TNRC18: variants seen among roughly 807,000 people sequenced by gnomAD.
The protein encoded by TNRC18 is trinucleotide repeat containing 18.
A neutral mutation model predicts 226.7 loss-of-function variants in TNRC18; 69 were observed. That is an observed-to-expected ratio of 0.30 (90% confidence interval 0.25 to 0.37). TNRC18 has a LOEUF of 0.37. Among genes scored for constraint, TNRC18 ranks in the 10% least tolerant of loss-of-function variants. The probability of loss-of-function intolerance (pLI) is 1.00; values close to 1 mark genes in which losing one functional copy is unlikely to be tolerated. For synonymous variants in TNRC18, 2,449 were observed against 1,927.6 expected (o/e 1.27, Z -7.09); for missense variants, 4,754 against 4,256.6 (o/e 1.12, Z -3.25).
Position 5,394,780 on chromosome 7 carries a change from T to C in TNRC18, c.188-185A>G, listed in dbSNP as rs1780554308. Among the ~76,000 whole-genome samples, 1 of 151,782 alleles carries C rather than the reference T, an allele frequency of 6.6e-6. No individual in the cohort carries two copies. The highest frequency in any genetic ancestry group is 1.5e-5 in the Non-Finnish European group (1 of 67,938). On this transcript the variant is annotated intron_variant, in intron 2 of 29. Coordinates refer to ENST00000430969, the MANE Select transcript of TNRC18 (RefSeq NM_001080495.3). The surrounding 1 kb of genome is among the most constrained non-coding windows in gnomAD (Gnocchi z 4.5). ...CCACCCCTGGGCTGCAAGATGGTCC[T>C]GGATCAACCCAACCAGACCCAGGGC...
rs372068079 is a variant in TNRC18, at chr7:5,370,874, G to A, written c.3720C>T (p.Thr1240=). 39 of 1,607,722 alleles carry A rather than the reference G, an allele frequency of 2.4e-5. No homozygotes were observed. Among genetic ancestry groups the A allele is most frequent in the Admixed American group, 1.2e-4 (7 of 59,978 alleles). The change falls in exon 11 of 30, where the codon ACC becomes ACT. Residue 1240 remains threonine (T), a synonymous_variant. Transcript: ENST00000430969. ...VDSPGRTEPC[T]AALDLGVQLT... is the part of the protein sequence containing the mutation. ...GCTGCACCCCCAGGTCCAGGGCGGCGGTGCAGGGTTCTGTCCGGCCCGGGG... is the reference window on the plus strand; with the variant it reads ...GCTGCACCCCCAGGTCCAGGGCGGCAGTGCAGGGTTCTGTCCGGCCCGGGG...
Position 5,312,918 on chromosome 7 carries a change from G to A in TNRC18, c.7973C>T (p.Ser2658Leu), listed in dbSNP as rs1226559057. The change falls in exon 27 of 30, where the codon TCA becomes TTA. Residue 2658 changes from serine to leucine, a missense_variant. Transcript: ENST00000430969. This position sits in a 1 kb window ranked among gnomAD's most constrained non-coding sequence, Gnocchi z 6.3. ...GGAAGAGGAGGAGGAGGAGGAGGAT[G>A]AGGACGAGGAAGAGGAGGAGGAGGA... ...SSSSSSSSSSSSSSSSSSSSS... is the reference protein window; with the variant it reads ...SSSSSSSSSSLSSSSSSSSSS... The A allele has an allele frequency of 2.0e-6, 3 of 1,498,620 alleles. No individual in the cohort carries two copies. Among genetic ancestry groups the A allele is most frequent in the Non-Finnish European group, 2.7e-6 (3 of 1,114,976 alleles). 92.8% of individuals were successfully genotyped at this position (1,498,620 alleles called of 1,614,324 possible). A position where few individuals can be genotyped will look rare whatever the true frequency, so the allele number is the denominator to read the frequency against.
At chr7:5,407,457 A>G (rs1781551207) in intron 2 of TNRC18, 1 of 152,068 alleles carries the variant, frequency 6.6e-6, no homozygotes, top group African/African-American at 2.4e-5. Flanking sequence ...GCGGAAAGCC[A>G]TCCCTGACTT....
At chr7:5,417,803 G>A (rs1267122302) in intron 2 of TNRC18, among the ~76,000 whole-genome samples, 1 of 152,126 alleles carries the variant, frequency 6.6e-6, no homozygotes, top group Non-Finnish European at 1.5e-5. Context: ...GAAGCCCCTT[G>A]CAAATCGTCC....
At chr7:5,417,189 T>G (rs1386553006) in intron 2 of TNRC18, among the ~76,000 whole-genome samples, 1 of 146,146 alleles carries the variant, frequency 6.8e-6, no homozygotes, top group Non-Finnish European at 1.5e-5. Flanking sequence ...CAAAATCAGC[T>G]GGGCGCAGTG....
rs746465492 is a variant in TNRC18 at position 5,314,976 on chromosome 7, C to T, written c.7027+8G>A. On this transcript the variant is annotated splice_region_variant and intron_variant, in intron 26 of 29. Transcript: ENST00000430969. ...CACCGCCCTGCCCTGGGGACCAGGC[C>T]AACCTACCACCCTTGGCCTTGGCGC... The T allele has an allele frequency of 6.9e-6, 11 of 1,603,818 alleles. 1 individual carries two copies. In the South Asian group the frequency reaches 1.2e-4, roughly 18 times the overall value.
chr7:5,352,243 G>T, intron 16 of TNRC18, 149 bp from the exon 17 acceptor site: 1 of 808,200 alleles, frequency 1.2e-6, no homozygotes, highest in Non-Finnish European at 1.9e-6. Context: ...CAAAGGCCTT[G>T]CCCCATGTCA....
At chr7:5,386,719 C>T (rs1306609419) in intron 5 of TNRC18, among the ~76,000 whole-genome samples, 2 of 152,122 alleles carry the variant, frequency 1.3e-5, no homozygotes, top group Admixed American at 6.6e-5. Context: ...CACTGCACTC[C>T]ACCCTGGGTA....
chr7:5,339,874 G>C (rs2128134338), intron 18 of TNRC18, among the ~76,000 whole-genome samples: 1 of 151,112 alleles, frequency 6.6e-6, no homozygotes, highest in South Asian at 2.1e-4. Context: ...CCGGCTGTAT[G>C]TTCTTTATAT....
At position 5,312,740 on chromosome 7, in the gene TNRC18, T is replaced by C. The variant is rs1235143603; in HGVS notation, c.8151A>G (p.Pro2717=). ...AGKARPSAHS[P]GKKTPAPQPQ... is the part of the protein sequence containing the mutation. The stretch of plus-strand genomic sequence containing the variant: ...GCTGGGGCGCGGGCGTCTTCTTGCC[T>C]GGGGAGTGGGCCGAGGGCCGCGCCT... The change falls in exon 27 of 30, where the codon CCA becomes CCG. Residue 2717 remains proline, a synonymous_variant. Coordinates refer to ENST00000430969, the MANE Select transcript of TNRC18 (RefSeq NM_001080495.3). The surrounding 1 kb of genome is among the most constrained non-coding windows in gnomAD (Gnocchi z 6.3). 24 of 1,544,216 alleles carry C rather than the reference T, an allele frequency of 1.6e-5. No individual in the cohort carries two copies. The highest frequency in any genetic ancestry group is 2.0e-5 in the Non-Finnish European group (23 of 1,151,040).
intron 5 of TNRC18, among the ~76,000 whole-genome samples, chr7:5,378,961 G>T (rs898347973): frequency 2.0e-5 from 3 of 151,430 alleles, no homozygotes; most frequent in South Asian, 4.2e-4. Context: ...GGGTGGGGGG[G>T]GCGGGGCGGA....
At chr7:5,318,843 T>C (rs1562486453) in intron 24 of TNRC18, among the ~76,000 whole-genome samples, 1 of 152,196 alleles carries the variant, frequency 6.6e-6, no homozygotes, top group South Asian at 2.1e-4. Flanking sequence ...CCAGCTCAGC[T>C]ATCTCTAAAA....
intron 10 of TNRC18, among the ~76,000 whole-genome samples, 166 bp from the exon 11 acceptor site, chr7:5,371,530 C>A (rs1052046069): frequency 1.3e-4 from 20 of 152,182 alleles, no homozygotes; most frequent in African/African-American, 4.8e-4. Context: ...AACCCCAGGG[C>A]CATGCAGTGG....
chr7:5,350,858 T>A (rs900283548), intron 17 of TNRC18, among the ~76,000 whole-genome samples: 1 of 152,166 alleles, frequency 6.6e-6, no homozygotes, highest in Non-Finnish European at 1.5e-5. Flanking sequence ...CGTCCCTTGA[T>A]GCGGCAACGG....
chr7:5,364,591 G>A (rs1583926083), intron 11 of TNRC18, among the ~76,000 whole-genome samples: 1 of 151,654 alleles, frequency 6.6e-6, no homozygotes, highest in African/African-American at 2.4e-5. Context: ...ATGGCTTGAG[G>A]CCAGGAGTCT....
At chr7:5,333,980 C>T (rs978444779) in intron 18 of TNRC18, among the ~76,000 whole-genome samples, 6 of 152,168 alleles carry the variant, frequency 3.9e-5, no homozygotes, top group Non-Finnish European at 5.9e-5. Context: ...AGCTGGTGTC[C>T]AGGAAAAGAG....
At chr7:5,365,939 C>T (rs1175409364) in intron 11 of TNRC18, among the ~76,000 whole-genome samples, 3 of 152,090 alleles carry the variant, frequency 2.0e-5, no homozygotes, top group East Asian at 1.9e-4. Context: ...GGCCTGGTGG[C>T]GCATGCCTAT....
Position 5,370,858 on chromosome 7 carries a change from C to G in TNRC18, c.3736G>C (p.Gly1246Arg). The change falls in exon 11 of 30, where the codon GGG becomes CGG. Residue 1246 changes from glycine to arginine, a missense_variant. By Grantham distance (125) the Gly-to-Arg change is moderately radical. Transcript: ENST00000430969. ...TEPCTAALDL[G>R]VQLTPETLVE... ...AGTGTCTCGGGTGTCAGCTGCACCCCCAGGTCCAGGGCGGCGGTGCAGGGT... is the reference window on the plus strand; with the variant it reads ...AGTGTCTCGGGTGTCAGCTGCACCCGCAGGTCCAGGGCGGCGGTGCAGGGT... 2 of 1,608,784 alleles carry G rather than the reference C, an allele frequency of 1.2e-6. No homozygotes were observed. The highest frequency in any genetic ancestry group is 1.7e-6 in the Non-Finnish European group (2 of 1,179,692).
At chr7:5,415,356 G>C (rs1003685558) in intron 2 of TNRC18, among the ~76,000 whole-genome samples, 2 of 150,306 alleles carry the variant, frequency 1.3e-5, no homozygotes, top group African/African-American at 4.9e-5. Flanking sequence ...TTTACTGCGT[G>C]GTCTGTGTCC....
Sources: gnomAD v4.1 joint callset for allele counts (sites outside exome capture counted in the v4.1 genomes callset) on GRCh38, gnomAD v4.1.1 for gene constraint, Gnocchi (gnomAD v3.1) non-coding constraint, MANE v1.5 for transcripts, NCBI Gene and HGNC (gene_info 2026-07-23, HGNC 2026-07-21) for gene names.